ATF2: variants seen among roughly 807,000 people sequenced by gnomAD.
ATF2 encodes activating transcription factor 2.
In ATF2, 24 loss-of-function variants were observed where a neutral mutation model predicts 60.6. The ratio of observed to expected loss-of-function variants is 0.40; its 90% CI spans 0.29 to 0.56. ATF2 has a LOEUF of 0.56. Ranked by LOEUF, ATF2 falls within the 20% of genes least tolerant of loss-of-function variation. The pLI, the probability that ATF2 is intolerant of heterozygous loss-of-function variation, is 0.54. For synonymous variants in ATF2, 206 were observed against 215.4 expected (o/e 0.96, Z 0.38); for missense variants, 433 against 607.7 (o/e 0.71, Z 3.02).
intron 10 of ATF2, among the ~76,000 whole-genome samples, chr2:175,105,121 G>A (rs1010398887): frequency 9.2e-5 from 14 of 152,124 alleles, no homozygotes; most frequent in Non-Finnish European, 1.9e-4. Flanking sequence ...ATAGCTTAGC[G>A]TGTTTAAGAT....
At chr2:175,164,524 A>T (rs1457958810) in intron 1 of ATF2, among the ~76,000 whole-genome samples, 1 of 152,058 alleles carries the variant, frequency 6.6e-6, no homozygotes, top group Non-Finnish European at 1.5e-5. Context: ...CCAGAGGGAG[A>T]CTCTGTCTCA....
chr2:175,149,793 C>T (rs867137453), intron 2 of ATF2, among the ~76,000 whole-genome samples: 17 of 152,236 alleles, frequency 1.1e-4, no homozygotes, highest in Middle Eastern at 3.4e-3. Context: ...GCTATGCAGG[C>T]TTTTAATCAG....
chr2:175,090,584 A>G (rs1694479822), intron 12 of ATF2, among the ~76,000 whole-genome samples: 1 of 152,114 alleles, frequency 6.6e-6, no homozygotes. Flanking sequence ...GCATTTCTAA[A>G]TCTAAGATGA....
At chr2:175,098,751 G>A (rs920227960) in intron 10 of ATF2, among the ~76,000 whole-genome samples, 2 of 152,128 alleles carry the variant, frequency 1.3e-5, no homozygotes, top group Admixed American at 1.3e-4. Context: ...AATAATACCA[G>A]TACAAGTATT....
intron 4 of ATF2, among the ~76,000 whole-genome samples, chr2:175,128,726 C>A (rs1032676927): frequency 3.9e-5 from 6 of 151,962 alleles, no homozygotes; most frequent in Non-Finnish European, 8.8e-5. Flanking sequence ...GAAACATCTG[C>A]TCATCAAAAG....
At chr2:175,101,252 T>C (rs545823752) in intron 10 of ATF2, among the ~76,000 whole-genome samples, 13 of 152,134 alleles carry the variant, frequency 8.5e-5, no homozygotes, top group African/African-American at 1.9e-4. Flanking sequence ...TAGAACCAGA[T>C]AGGAATACTT....
intron 9 of ATF2, 29 bp from the exon 10 acceptor site, chr2:175,111,683 C>T (rs1269322984): frequency 1.3e-6 from 2 of 1,565,032 alleles, no homozygotes; most frequent in Non-Finnish European, 1.8e-6. Context: ...AAAATAATTG[C>T]TAGAGAATAT....
intron 13 of ATF2, among the ~76,000 whole-genome samples, chr2:175,076,336 A>T (rs1693289121): frequency 6.6e-6 from 1 of 152,098 alleles, no homozygotes; most frequent in Non-Finnish European, 1.5e-5. Context: ...AAGGTACAAT[A>T]AAACAACACC....
intron 3 of ATF2, among the ~76,000 whole-genome samples, chr2:175,133,757 G>C (rs1156290370): frequency 2.6e-5 from 4 of 152,060 alleles, no homozygotes; most frequent in Non-Finnish European, 5.9e-5. Flanking sequence ...AGAAAAATAG[G>C]AAAGAATCTT....
At position 175,080,705 on chromosome 2, in the gene ATF2, T is replaced by C. The variant is rs2105537936; in HGVS notation, c.1246A>G (p.Lys416Glu). 1 of 1,613,288 alleles carries C rather than the reference T, an allele frequency of 6.2e-7. No individual in the cohort carries two copies. The highest frequency in any genetic ancestry group is 8.5e-7 in the Non-Finnish European group (1 of 1,179,426). ...TGCATGGCGGTTACAGGGCAATCTT[T>C]ATGAGCCAGAAGAAGCTGTTTCAGC... is the stretch of plus-strand genomic sequence containing the variant. ...AQLKQLLLAH[K>E]DCPVTAMQKK... Residue 416 changes from lysine (K) to glutamate (E), a missense_variant, in exon 13 of 14, where the codon AAA (lysine) becomes GAA (glutamate). Coordinates refer to ENST00000264110, the MANE Select transcript of ATF2 (RefSeq NM_001880.4).
chr2:175,163,068 A>G (rs1438287657), intron 1 of ATF2, among the ~76,000 whole-genome samples: 1 of 152,088 alleles, frequency 6.6e-6, no homozygotes, highest in Non-Finnish European at 1.5e-5. Flanking sequence ...TGGGAGGCGG[A>G]GCTTGCAGTG....
chr2:175,117,861 G>A (rs1696690889), intron 7 of ATF2, 129 bp downstream of exon 7: 1 of 1,037,936 alleles, frequency 9.6e-7, no homozygotes, highest in East Asian at 2.7e-5. Flanking sequence ...GTATTGACAG[G>A]CTTTCACATA....
intron 11 of ATF2, among the ~76,000 whole-genome samples, chr2:175,094,835 A>AGAGGCTGAGGTGGGAGAGGATTGCTT (rs1694812662): frequency 2.0e-5 from 3 of 152,106 alleles, no homozygotes; most frequent in African/African-American, 7.2e-5. Context: ...TAGTTACTCA[A>AGAGGCTGAGGTGGGAGAGGATTGCTT]GAGGCTGAGG....
chr2:175,163,586 T>C (rs1405693156), intron 1 of ATF2, among the ~76,000 whole-genome samples: 1 of 152,006 alleles, frequency 6.6e-6, no homozygotes, highest in Non-Finnish European at 1.5e-5. Flanking sequence ...AAAACATTGT[T>C]TACATCTCTT....
intron 4 of ATF2, among the ~76,000 whole-genome samples, chr2:175,124,162 T>A (rs902214842): frequency 7.2e-5 from 11 of 151,928 alleles, no homozygotes; most frequent in African/African-American, 2.4e-4. Flanking sequence ...AACTGTATTC[T>A]TCCAGGCATT....
chr2:175,091,323 T>C (rs151161479), intron 12 of ATF2, among the ~76,000 whole-genome samples: 3 of 152,228 alleles, frequency 2.0e-5, no homozygotes, highest in African/African-American at 4.8e-5. Flanking sequence ...TTTTATGTCA[T>C]ACAACTATAA....
chr2:175,116,508 T>C (rs1442215173), intron 7 of ATF2, among the ~76,000 whole-genome samples: 1 of 151,890 alleles, frequency 6.6e-6, no homozygotes, highest in Non-Finnish European at 1.5e-5. Context: ...CAAGATGGAG[T>C]TGGATATAAA....
intron 10 of ATF2, among the ~76,000 whole-genome samples, chr2:175,109,168 T>A (rs368389506): frequency 0.011 from 939 of 82,556 alleles, no homozygotes; most frequent in East Asian, 0.015. Flanking sequence ...GAATGATCAA[T>A]AAAAAAAAAA....
chr2:175,127,424 TTC>T (rs1186384558), intron 4 of ATF2, among the ~76,000 whole-genome samples: 2 of 152,014 alleles, frequency 1.3e-5, no homozygotes, highest in Non-Finnish European at 2.9e-5. Context: ...ATTAGCCTAT[TTC>T]TCTCTCTGTG....
Sources: allele counts gnomAD v4.1 joint callset (sites outside exome capture counted in the v4.1 genomes callset), GRCh38; gene constraint gnomAD v4.1.1; transcripts MANE v1.5; gene names NCBI Gene and HGNC (gene_info 2026-07-23, HGNC 2026-07-21).